Variants in NPAS3 observed in about 807,000 individuals in gnomAD.
NPAS3 encodes neuronal PAS domain protein 3.
A neutral mutation model predicts 73.1 loss-of-function variants in NPAS3; 14 were observed. That is an observed-to-expected ratio of 0.19 (90% CI 0.13 to 0.30). The LOEUF is 0.30. Ranked by LOEUF, NPAS3 falls within the 10% of genes least tolerant of loss-of-function variation. The pLI is 1.00. For missense variants in NPAS3, 1,096 were observed against 1,250.0 expected (o/e 0.88, Z 1.86); for synonymous variants, 620 against 541.5 (o/e 1.14, Z -2.01).
intron 1 of NPAS3, among the ~76,000 whole-genome samples, chr14:32,968,140 G>T (rs1364976814): frequency 1.3e-5 from 2 of 152,016 alleles, no homozygotes; most frequent in African/African-American, 4.8e-5. Context: ...AGAGTTAGGA[G>T]GAATAAGTTC....
chr14:33,058,330 C>G (rs2040964891), intron 2 of NPAS3, among the ~76,000 whole-genome samples: 1 of 152,110 alleles, frequency 6.6e-6, no homozygotes. Context: ...GAAGGGGTAA[C>G]TGTTTTGGAA....
intron 4 of NPAS3, among the ~76,000 whole-genome samples, chr14:33,523,451 CAAAAAAAAAAA>C (rs755370427): frequency 2.1e-5 from 1 of 46,710 alleles, no homozygotes; most frequent in Non-Finnish European, 4.4e-5. Context: ...GACTCTGTCT[CAAAAAAAAAAA>C]AAAAAAAAAA....
At chr14:32,997,895 G>C (rs2087027478) in intron 1 of NPAS3, among the ~76,000 whole-genome samples, 1 of 152,072 alleles carries the variant, frequency 6.6e-6, no homozygotes, top group Admixed American at 6.6e-5. Flanking sequence ...TCTCGCGTAT[G>C]TCTTTATCAG....
At chr14:33,496,692 A>C (rs1369140976) in intron 4 of NPAS3, among the ~76,000 whole-genome samples, 2 of 152,174 alleles carry the variant, frequency 1.3e-5, no homozygotes, top group Non-Finnish European at 2.9e-5. Context: ...TTTTGATGGA[A>C]TGTATCTCAA....
At chr14:33,121,731 A>T (rs1213235809) in intron 2 of NPAS3, among the ~76,000 whole-genome samples, 1 of 152,168 alleles carries the variant, frequency 6.6e-6, no homozygotes, top group Non-Finnish European at 1.5e-5. Context: ...AAAGACACAG[A>T]AAGTAGGGTA....
At chr14:33,497,029 T>C (rs929155036) in intron 4 of NPAS3, among the ~76,000 whole-genome samples, 1 of 152,044 alleles carries the variant, frequency 6.6e-6, no homozygotes, top group Non-Finnish European at 1.5e-5. Context: ...TGTGCAAAAA[T>C]CACAAGCATT....
intron 3 of NPAS3, among the ~76,000 whole-genome samples, chr14:33,283,081 G>A (rs1457619595): frequency 2.0e-5 from 3 of 152,180 alleles, no homozygotes; most frequent in African/African-American, 7.2e-5. Flanking sequence ...GTGCAGAGAA[G>A]GGATGCTGAT....
intron 10 of NPAS3, among the ~76,000 whole-genome samples, chr14:33,795,800 G>A (rs1454592290): frequency 3.9e-5 from 6 of 152,280 alleles, no homozygotes; most frequent in South Asian, 4.2e-4. Context: ...CCTAGGATCC[G>A]ATGGTACAAA....
At chr14:33,428,172 G>A (rs1365183745) in intron 4 of NPAS3, among the ~76,000 whole-genome samples, 1 of 151,960 alleles carries the variant, frequency 6.6e-6, no homozygotes, top group East Asian at 1.9e-4. Context: ...TCTAGTGCAT[G>A]GATATTAAAA....
At chr14:33,792,874 G>A (rs746435719) in intron 9 of NPAS3, among the ~76,000 whole-genome samples, 20 of 152,228 alleles carry the variant, frequency 1.3e-4, no homozygotes, top group Non-Finnish European at 2.1e-4. Context: ...CTAGTGGCCA[G>A]CCAGCCGGTG....
At chr14:33,341,075 G>A (rs536084976) in intron 3 of NPAS3, among the ~76,000 whole-genome samples, 3 of 152,290 alleles carry the variant, frequency 2.0e-5, no homozygotes, top group Non-Finnish European at 4.4e-5. Flanking sequence ...CTTCAACAGG[G>A]AAAATTTTCT....
intron 2 of NPAS3, among the ~76,000 whole-genome samples, chr14:33,090,422 G>A (rs2042185016): frequency 6.6e-6 from 1 of 152,182 alleles, no homozygotes; most frequent in Non-Finnish European, 1.5e-5. Flanking sequence ...TAATGGTAAA[G>A]GGATCAATTC....
chr14:33,204,609 C>T (rs372689743), intron 2 of NPAS3, among the ~76,000 whole-genome samples: 4 of 152,058 alleles, frequency 2.6e-5, no homozygotes, highest in African/African-American at 9.7e-5. Flanking sequence ...CGGAAAAAGT[C>T]AGTCACTGAA....
intron 4 of NPAS3, among the ~76,000 whole-genome samples, chr14:33,376,093 C>T (rs1029397051): frequency 1.3e-5 from 2 of 152,166 alleles, no homozygotes; most frequent in African/African-American, 4.8e-5. Context: ...TTACCAAAAT[C>T]TCCATTCTCA....
intron 3 of NPAS3, among the ~76,000 whole-genome samples, chr14:33,348,871 G>A (rs1277604493): frequency 6.6e-6 from 1 of 152,160 alleles, no homozygotes; most frequent in Non-Finnish European, 1.5e-5. Context: ...TTTATTGAGG[G>A]AGAGGGACTT....
intron 2 of NPAS3, among the ~76,000 whole-genome samples, chr14:33,164,841 T>TA (rs2045061700): frequency 8.4e-6 from 1 of 119,560 alleles, no homozygotes; most frequent in African/African-American, 4.3e-5. Flanking sequence ...AGGTGACTCT[T>TA]TTTTTTTTTT....
intron 2 of NPAS3, among the ~76,000 whole-genome samples, chr14:33,125,007 T>C (rs1041224264): frequency 1.3e-5 from 2 of 152,012 alleles, no homozygotes; most frequent in Non-Finnish European, 2.9e-5. Flanking sequence ...TAGGAAAACA[T>C]TGACAGGATG....
At chr14:33,256,600 G>A (rs1184686739) in intron 3 of NPAS3, among the ~76,000 whole-genome samples, 1 of 152,062 alleles carries the variant, frequency 6.6e-6, no homozygotes, top group Admixed American at 6.6e-5. Flanking sequence ...CTTTACACTG[G>A]CCGTTATAAT....
chr14:32,958,095 A>AG (rs1329297142), intron 1 of NPAS3, among the ~76,000 whole-genome samples: 2 of 152,136 alleles, frequency 1.3e-5, no homozygotes, highest in African/African-American at 4.8e-5. Flanking sequence ...TTCCCCTCAA[A>AG]GTTGGGCCTT....
Sources: gnomAD v4.1 joint callset for allele counts (sites outside exome capture counted in the v4.1 genomes callset) on GRCh38, gnomAD v4.1.1 for gene constraint, MANE v1.5 for transcripts, NCBI Gene and HGNC (gene_info 2026-07-23, HGNC 2026-07-21) for gene names.